Variants in TANK observed in about 807,000 individuals in gnomAD.
TANK encodes TRAF family member-associated NF-kappa-B activator.
TANK carries 15 observed loss-of-function variants against 43.6 expected under a neutral mutation model. The observed-to-expected ratio is 0.34, with a 90% CI of 0.23 to 0.53. The LOEUF (loss-of-function observed/expected upper bound fraction) is 0.53. Ranked by LOEUF, TANK falls within the 20% of genes least tolerant of loss-of-function variation. TANK has a pLI of 0.94. For missense variants in TANK, 417 were observed against 498.6 expected (o/e 0.84, Z 1.56); for synonymous variants, 162 against 178.2 (o/e 0.91, Z 0.73).
chr2:161,161,182 G>C, intron 1 of TANK: 1 of 1,479,228 alleles, frequency 6.8e-7, no homozygotes, highest in Non-Finnish European at 9.0e-7. Flanking sequence ...GAAGTAGAAA[G>C]GGGGAGGATA....
chr2:161,232,528 A>G (rs1687968339), intron 7 of TANK, among the ~76,000 whole-genome samples: 1 of 152,246 alleles, frequency 6.6e-6, no homozygotes, highest in Non-Finnish European at 1.5e-5. Flanking sequence ...CATGGCTGAC[A>G]ATAAGTTTTA....
chr2:161,188,125 TA>T (rs1685747756), intron 2 of TANK, among the ~76,000 whole-genome samples: 1 of 152,086 alleles, frequency 6.6e-6, no homozygotes, highest in African/African-American at 2.4e-5. Flanking sequence ...ATCAGTAACT[TA>T]ACTTTATGCC....
intron 4 of TANK, among the ~76,000 whole-genome samples, chr2:161,206,375 A>G (rs949505038): frequency 1.3e-5 from 2 of 152,178 alleles, no homozygotes; most frequent in African/African-American, 4.8e-5. Context: ...GAACAATTAA[A>G]TCAAGAGTGC....
chr2:161,178,479 A>G (rs1357342172), intron 1 of TANK, among the ~76,000 whole-genome samples: 1 of 151,736 alleles, frequency 6.6e-6, no homozygotes, highest in Non-Finnish European at 1.5e-5. Context: ...AAAAAAAAAG[A>G]TTAATGCTTA....
At chr2:161,164,099 A>G (rs1199160523) in intron 1 of TANK, among the ~76,000 whole-genome samples, 2 of 152,182 alleles carry the variant, frequency 1.3e-5, no homozygotes, top group African/African-American at 2.4e-5. Context: ...ATGGGCTACT[A>G]TAGCAAAAAT....
intron 4 of TANK, among the ~76,000 whole-genome samples, chr2:161,209,191 G>T (rs1686775674): frequency 6.6e-6 from 1 of 152,136 alleles, no homozygotes. Context: ...ACTTTCCAGA[G>T]GAGAATAATA....
At position 161,235,462 on chromosome 2, in the gene TANK, A is replaced by G; in HGVS notation, c.1222A>G (p.Thr408Ala). The G allele has an allele frequency of 6.2e-7, 1 of 1,614,084 alleles. No individual in the cohort carries two copies. Among genetic ancestry groups the G allele is most frequent in the South Asian group, 1.1e-5 (1 of 91,078 alleles). The change falls in exon 8 of 8, where the codon ACA (threonine) becomes GCA (alanine). Residue 408 changes from threonine (T) to alanine (A), a missense_variant. By Grantham distance (58) the Thr-to-Ala change is moderately conservative. Transcript: ENST00000392749. The part of the protein sequence containing the change: ...FCQAVFPPSI[T>A]SRGDFLRHLN... Reference sequence around the variant, plus strand: ...TCAAGCAGTTTTCCCACCATCCATTACATCCAGGGGGGATTTCCTTCGGCA... The same window carrying G: ...TCAAGCAGTTTTCCCACCATCCATTGCATCCAGGGGGGATTTCCTTCGGCA...
chr2:161,185,587 T>G (rs917182923), intron 2 of TANK, among the ~76,000 whole-genome samples: 1 of 151,358 alleles, frequency 6.6e-6, no homozygotes, highest in Non-Finnish European at 1.5e-5. Flanking sequence ...AAATAATTCA[T>G]CATTCTCAGT....
intron 2 of TANK, among the ~76,000 whole-genome samples, chr2:161,202,171 A>C (rs923441328): frequency 7.1e-6 from 1 of 140,090 alleles, no homozygotes; most frequent in African/African-American, 2.6e-5. Flanking sequence ...TGTAGTATTT[A>C]GCTCTAATTT....
intron 7 of TANK, 46 bp downstream of exon 7, chr2:161,231,597 AT>A (rs1357906696): frequency 6.5e-7 from 1 of 1,546,574 alleles, no homozygotes; most frequent in Non-Finnish European, 8.8e-7. Flanking sequence ...GTGAACACAC[AT>A]TTTGCCATAC....
Position 161,178,543 on chromosome 2 carries a change from T to C in TANK, c.-49-1071T>C, listed in dbSNP as rs1052184268. Among the ~76,000 whole-genome samples the C allele has an allele frequency of 2.0e-5, 3 of 151,856 alleles. No homozygotes were observed. The East Asian group carries it at 5.8e-4, about 29-fold the overall frequency. On this transcript the variant is annotated intron_variant, in intron 1 of 7. Coordinates refer to ENST00000392749, the MANE Select transcript of TANK (RefSeq NM_001199135.3). ...GACTAACTTAATAGGTATGGACTGT[T>C]TTAGGGAGGGTGATTAAAATGTTCC...
intron 2 of TANK, among the ~76,000 whole-genome samples, chr2:161,188,255 T>G (rs543261387): frequency 1.3e-5 from 2 of 152,050 alleles, no homozygotes; most frequent in Non-Finnish European, 2.9e-5. Context: ...AAAACAAGTG[T>G]TGACTATTTG....
chr2:161,139,076 C>A (rs12467579), intron 1 of TANK, among the ~76,000 whole-genome samples: 6,285 of 152,236 alleles, frequency 0.041, 280 homozygotes, highest in East Asian at 0.19. Context: ...TTTCATCTAG[C>A]AATTTTATTG....
chr2:161,166,017 C>T (rs940252309), intron 1 of TANK, among the ~76,000 whole-genome samples: 2 of 152,226 alleles, frequency 1.3e-5, no homozygotes, highest in Admixed American at 6.5e-5. Context: ...AAAACTGAGA[C>T]TCATGGGTGT....
At chr2:161,171,724 G>GT (rs1056667244) in intron 1 of TANK, among the ~76,000 whole-genome samples, 1 of 152,076 alleles carries the variant, frequency 6.6e-6, no homozygotes, top group East Asian at 1.9e-4. Context: ...CTCCATAGTG[G>GT]TTTTTTCTGA....
chr2:161,216,617 G>T (rs1052766957), intron 4 of TANK, among the ~76,000 whole-genome samples: 2 of 150,980 alleles, frequency 1.3e-5, no homozygotes, highest in Admixed American at 1.3e-4. Flanking sequence ...AGTTGGTGAG[G>T]CCCCCAGTTG....
intron 2 of TANK, chr2:161,200,271 A>T: frequency 5.0e-6 from 4 of 801,438 alleles, no homozygotes; most frequent in Non-Finnish European, 6.0e-6. Context: ...GGGGTCTTTG[A>T]TAGTGCTAGA....
chr2:161,138,514 G>C (rs1276923653), intron 1 of TANK, among the ~76,000 whole-genome samples: 1 of 152,144 alleles, frequency 6.6e-6, no homozygotes, highest in East Asian at 1.9e-4. Context: ...TTAGAAGCTA[G>C]GTCTTTCTTC....
intron 7 of TANK, chr2:161,232,873 G>C: frequency 3.2e-6 from 5 of 1,546,514 alleles, no homozygotes; most frequent in Non-Finnish European, 4.4e-6. Flanking sequence ...TTAGTGTTGA[G>C]TTGTCACAAG....
Sources: gnomAD v4.1 joint callset for allele counts (sites outside exome capture counted in the v4.1 genomes callset) on GRCh38, gnomAD v4.1.1 for gene constraint, MANE v1.5 for transcripts, NCBI Gene and HGNC (gene_info 2026-07-23, HGNC 2026-07-21) for gene names.